The following ATAD2 variants were observed in gnomAD, a reference collection of about 807,000 sequenced individuals.
ATAD2 encodes the protein ATPase family AAA domain-containing protein 2.
In ATAD2, 62 loss-of-function variants were observed where a neutral mutation model predicts 168.9. The observed-to-expected ratio is 0.37, with a 90% CI of 0.30 to 0.45. The LOEUF is 0.45. ATAD2 is among the 20% of genes least tolerant of loss of function. The pLI, the probability that ATAD2 is intolerant of heterozygous loss-of-function variation, is 1.00. For synonymous variants in ATAD2, 613 were observed against 571.6 expected (o/e 1.07, Z -1.03); for missense variants, 1,419 against 1,667.8 (o/e 0.85, Z 2.60).
rs1363011536 is a variant in ATAD2 at position 123,339,356 on chromosome 8, T to C, written c.2809A>G (p.Ile937Val). The change falls in exon 20 of 28, where the codon ATT becomes GTT. Residue 937 changes from isoleucine to valine, a missense_variant. By Grantham distance (29) the Ile-to-Val change is conservative (BLOSUM62 3). This residue lies in a region of ATAD2 where 545 missense variants were observed against 724.9 expected (regional missense o/e 0.75). Coordinates refer to ENST00000287394, the MANE Select transcript of ATAD2 (RefSeq NM_014109.4). ...GGAGGCTTAGCAGCTTGTTTTAGAATTAAATCTTCAAAAAATTTTGTCCGT... is the reference window on the plus strand; with the variant it reads ...GGAGGCTTAGCAGCTTGTTTTAGAACTAAATCTTCAAAAAATTTTGTCCGT... ...EERTKFFEDL[I>V]LKQAAKPPIS... The C allele has an allele frequency of 1.9e-6, 3 of 1,601,240 alleles. No individual in the cohort carries two copies. Among genetic ancestry groups the C allele is most frequent in the Admixed American group, 1.7e-5 (1 of 58,880 alleles).
chr8:123,349,286 T>G lies in ATAD2; in HGVS notation c.1805A>C (p.Glu602Ala). Residue 602 changes from glutamate (E) to alanine (A), a missense_variant and splice_region_variant, in exon 14 of 28, where the codon GAG becomes GCG. Around this residue, in one of 5 missense-constraint regions of ATAD2, gnomAD observed 545 missense variants for 724.9 expected, o/e 0.75. Coordinates refer to ENST00000287394, the MANE Select transcript of ATAD2 (RefSeq NM_014109.4). ...REFLFSLPDK[E>A]ARKEILKIHT... The stretch of plus-strand genomic sequence containing the variant: ...ATTTGAGTGACATTAAATTCTTACC[T>G]CTTTATCAGGCAGGCTAAAGAGGAA... The G allele has an allele frequency of 6.2e-7, 1 of 1,611,900 alleles. No homozygotes were observed.
At chr8:123,342,987 CATT>C (rs1475653702) in intron 19 of ATAD2, among the ~76,000 whole-genome samples, 14 of 150,934 alleles carry the variant, frequency 9.3e-5, no homozygotes, top group Admixed American at 8.0e-4. Flanking sequence ...TCATCATCAT[CATT>C]TTTTTTTTTT....
Position 123,339,435 on chromosome 8 carries a change from C to T in ATAD2, c.2730G>A (p.Leu910=). The stretch of plus-strand genomic sequence containing the variant: ...AAATCTCTCCATAATCACGGATAAA[C>T]AATTCTTGCACCTTAAAAAAGAAAA... ...HSALPEEVQE[L]FIRDYGEIFN... is the part of the protein sequence containing the mutation. Residue 910 remains leucine, a synonymous_variant, in exon 20 of 28, where the codon TTG becomes TTA. Transcript: ENST00000287394. 1 of 1,589,914 alleles carries T rather than the reference C, an allele frequency of 6.3e-7. No individual in the cohort carries two copies. The highest frequency in any genetic ancestry group is 8.6e-7 in the Non-Finnish European group (1 of 1,169,110).
chr8:123,365,885 C>T (rs1455633664), intron 8 of ATAD2, among the ~76,000 whole-genome samples: 2 of 152,098 alleles, frequency 1.3e-5, no homozygotes, highest in Non-Finnish European at 2.9e-5. Flanking sequence ...ACCAAGAACC[C>T]AAAAGCAAAA....
chr8:123,368,108 A>G (rs1829034076), intron 8 of ATAD2, among the ~76,000 whole-genome samples: 1 of 152,152 alleles, frequency 6.6e-6, no homozygotes, highest in Non-Finnish European at 1.5e-5. Context: ...CAATGCATTG[A>G]TGAGGAAGTA....
In ATAD2 at chr8:123,325,880, T is replaced by A; in HGVS notation, c.4002+13A>T. The A allele has an allele frequency of 6.2e-7, 1 of 1,613,308 alleles. No individual in the cohort carries two copies. Among genetic ancestry groups the A allele is most frequent in the Non-Finnish European group, 8.5e-7 (1 of 1,179,508 alleles). On this transcript the variant is annotated intron_variant, in intron 26 of 27. Coordinates refer to ENST00000287394, the MANE Select transcript of ATAD2 (RefSeq NM_014109.4). ...TCTGCAGAGTAAAAGCATTATGATTTCAATTTACATACTTTTAATCGCTCA... is the reference window on the plus strand; with the variant it reads ...TCTGCAGAGTAAAAGCATTATGATTACAATTTACATACTTTTAATCGCTCA...
In ATAD2 at chr8:123,402,835, AT is replaced by A. The variant is rs34782545; in HGVS notation, c.-2281-1661del. On this transcript the variant is annotated intron_variant, in intron 1 of 28. Transcript: ENST00000521903. The surrounding 1 kb of genome is among the most constrained non-coding windows in gnomAD (Gnocchi z 4.8). ...AATGCCAATAATAATAATAATAATA[AT>A]AATAATAAAAATCAACACACTACAC... Among the ~76,000 whole-genome samples the A allele has an allele frequency of 0.71, 107,585 of 151,308 alleles. 38,708 individuals carry two copies. Among genetic ancestry groups the A allele is most frequent in the East Asian group, 0.97 (5,008 of 5,152 alleles).
chr8:123,385,523 TA>T (rs1314272850), intron 1 of ATAD2, among the ~76,000 whole-genome samples: 1 of 152,096 alleles, frequency 6.6e-6, no homozygotes, highest in African/African-American at 2.4e-5. Context: ...GATGATAACT[TA>T]AAACTGTATG....
At chr8:123,385,751 C>T (rs941938226) in intron 1 of ATAD2, among the ~76,000 whole-genome samples, 1 of 151,884 alleles carries the variant, frequency 6.6e-6, no homozygotes, top group Non-Finnish European at 1.5e-5. Context: ...AAATCATATA[C>T]TGATAAGGTA....
Position 123,347,268 on chromosome 8 carries a change from A to C in ATAD2, c.2036T>G (p.Phe679Cys). 6.2e-7 allele frequency: 1 copy of C among 1,614,138 alleles called. No individual in the cohort carries two copies. The highest frequency in any genetic ancestry group is 8.5e-7 in the Non-Finnish European group (1 of 1,180,042). ...LSSINISAKD[F>C]EVAMQKMIPA... ...TATCATCTTTTGCATAGCTACCTCG[A>C]AATCCTTAGCTGAGATATTAATTGA... The change falls in exon 16 of 28, where the codon TTC (phenylalanine) becomes TGC (cysteine). Residue 679 changes from phenylalanine (F) to cysteine (C), a missense_variant. Around this residue, in one of 5 missense-constraint regions of ATAD2, gnomAD observed 545 missense variants for 724.9 expected, o/e 0.75. Transcript: ENST00000287394.
intron 19 of ATAD2, 127 bp downstream of exon 19, chr8:123,344,757 A>G (rs749527144): frequency 2.0e-6 from 2 of 997,714 alleles, no homozygotes; most frequent in South Asian, 2.9e-5. Flanking sequence ...TACCAATGGT[A>G]TATTTGATAA....
chr8:123,393,785 C>G (rs1327238576), intron 1 of ATAD2, among the ~76,000 whole-genome samples: 1 of 151,874 alleles, frequency 6.6e-6, no homozygotes, highest in Non-Finnish European at 1.5e-5. Flanking sequence ...GGCGTGGTGG[C>G]GCATGCCTGT....
intron 2 of ATAD2, among the ~76,000 whole-genome samples, chr8:123,375,347 TAA>T (rs1159319617): frequency 6.6e-6 from 1 of 152,196 alleles, no homozygotes; most frequent in Non-Finnish European, 1.5e-5. Flanking sequence ...TCACACCTGT[TAA>T]AATGGCGAAC....
At chr8:123,378,915 C>T (rs1829407907) in intron 2 of ATAD2, among the ~76,000 whole-genome samples, 1 of 151,794 alleles carries the variant, frequency 6.6e-6, no homozygotes, top group Non-Finnish European at 1.5e-5. Flanking sequence ...CCTCAGCCTC[C>T]ACAGTAGCTG....
At chr8:123,398,226 CTTTTTTTTTTT>C (rs1188897965), upstream of ATAD2, among the ~76,000 whole-genome samples, 4 of 101,806 alleles carry the variant, frequency 3.9e-5, no homozygotes, top group Non-Finnish European at 7.8e-5. Flanking sequence ...GGTTCTTGTT[CTTTTTTTTTTT>C]TTTTTTTTTT....
Position 123,359,253 on chromosome 8 carries a change from T to C in ATAD2, c.1350A>G (p.Glu450=). The C allele has an allele frequency of 6.2e-7, 1 of 1,606,498 alleles. No individual in the cohort carries two copies. The highest frequency in any genetic ancestry group is 8.5e-7 in the Non-Finnish European group (1 of 1,177,076). The part of the protein sequence containing the change: ...EMVVFPLLYP[E]VFEKFKIQPP... ...GTTGAATTTTAAATTTTTCAAAGAC[T>C]TCTGGATAAAGTAATGGAAACACCA... is the stretch of plus-strand genomic sequence containing the variant. The change falls in exon 11 of 28, where the codon GAA becomes GAG. Residue 450 remains glutamate, a synonymous_variant. Coordinates refer to ENST00000287394, the MANE Select transcript of ATAD2 (RefSeq NM_014109.4).
intron 8 of ATAD2, among the ~76,000 whole-genome samples, chr8:123,366,081 A>G (rs1828968156): frequency 6.6e-6 from 1 of 152,098 alleles, no homozygotes; most frequent in African/African-American, 2.4e-5. Flanking sequence ...GCAAGAAAAA[A>G]ACAATCCCAT....
chr8:123,350,092 A>G (rs914849424), intron 13 of ATAD2, among the ~76,000 whole-genome samples: 3 of 152,184 alleles, frequency 2.0e-5, no homozygotes, highest in Admixed American at 2.0e-4. Flanking sequence ...TAAAAATAAT[A>G]AAATTTCCAC....
chr8:123,379,523 T>C (rs1829425736), intron 2 of ATAD2, among the ~76,000 whole-genome samples: 1 of 151,934 alleles, frequency 6.6e-6, no homozygotes, highest in Admixed American at 6.6e-5. Flanking sequence ...ATCACAGGTA[T>C]CATCTTTGAA....
Sources: allele counts gnomAD v4.1 joint callset (sites outside exome capture counted in the v4.1 genomes callset), GRCh38; gene constraint gnomAD v4.1.1; regional missense constraint gnomAD v4.1.1; non-coding constraint Gnocchi (gnomAD v3.1); transcripts MANE v1.5; gene names NCBI Gene and HGNC (gene_info 2026-07-23, HGNC 2026-07-21).